MAN1C1: variants seen among roughly 807,000 people sequenced by gnomAD.
MAN1C1 encodes mannosyl-oligosaccharide 1,2-alpha-mannosidase IC.
In MAN1C1, 49 loss-of-function variants were observed where a neutral mutation model predicts 71.5. The ratio of observed to expected loss-of-function variants is 0.69; its 90% CI spans 0.54 to 0.87. The LOEUF (loss-of-function observed/expected upper bound fraction) is 0.87. Among genes scored for constraint, MAN1C1 ranks in the 40% least tolerant of loss-of-function variants. The pLI is 0.00. For missense variants in MAN1C1, 743 were observed against 835.0 expected (o/e 0.89, Z 1.36); for synonymous variants, 352 against 343.7 (o/e 1.02, Z -0.27).
intron 1 of MAN1C1, among the ~76,000 whole-genome samples, chr1:25,678,486 A>G (rs921514151): frequency 6.6e-6 from 1 of 152,216 alleles, no homozygotes; most frequent in African/African-American, 2.4e-5. Flanking sequence ...TTTCCTGTTC[A>G]CCAAGTTTTG....
Position 25,746,692 on chromosome 1 carries a change from T to C in MAN1C1, c.662T>C (p.Ile221Thr). 3 of 1,614,060 alleles carry C rather than the reference T, an allele frequency of 1.9e-6. No individual in the cohort carries two copies. The highest frequency in any genetic ancestry group is 2.2e-5 in the East Asian group (1 of 44,872). ...GGAGGCCTCAGCGGGGCAACAGTCA[T>C]TGACTCCCTCGATACCCTCTACCTC... Reference protein sequence around the residue: ...MFGGLSGATVIDSLDTLYLME... With the variant: ...MFGGLSGATVTDSLDTLYLME... Residue 221 changes from isoleucine to threonine, a missense_variant, in exon 3 of 12, where the codon ATT (isoleucine) becomes ACT (threonine). Ile to Thr is a moderately conservative substitution (Grantham distance 89, BLOSUM62 -1). Coordinates refer to ENST00000374332, the MANE Select transcript of MAN1C1 (RefSeq NM_020379.4). The surrounding 1 kb of genome is among the most constrained non-coding windows in gnomAD (Gnocchi z 4.0).
intron 5 of MAN1C1, 23 bp from the exon 6 acceptor site, chr1:25,758,568 CG>C (rs2047319712): frequency 2.5e-6 from 4 of 1,609,090 alleles, no homozygotes; most frequent in African/African-American, 1.3e-5. Context: ...GGGGGGATGA[CG>C]GGGGCTGCTT....
chr1:25,733,683 T>TGG (rs1423136042), intron 2 of MAN1C1, among the ~76,000 whole-genome samples: 1 of 152,206 alleles, frequency 6.6e-6, no homozygotes, highest in East Asian at 1.9e-4. Flanking sequence ...AAAATACATT[T>TGG]GGGATGAATG....
chr1:25,708,935 G>A (rs2046565190), intron 2 of MAN1C1, among the ~76,000 whole-genome samples: 1 of 152,010 alleles, frequency 6.6e-6, no homozygotes, highest in Non-Finnish European at 1.5e-5. Flanking sequence ...GAAAGTCCCT[G>A]GTAAATTTCA....
Position 25,634,947 on chromosome 1 carries a change from T to A in MAN1C1, c.540+16610T>A, listed in dbSNP as rs2045435131. The stretch of plus-strand genomic sequence containing the variant: ...GATATTGGTCTATAGTTTTTTTTTT[T>A]GTAAATCCTTTGTCTGGTTTTTGGT... On this transcript the variant is annotated intron_variant, in intron 1 of 11. Coordinates refer to ENST00000374332, the MANE Select transcript of MAN1C1 (RefSeq NM_020379.4). The surrounding 1 kb of genome is among the most constrained non-coding windows in gnomAD (Gnocchi z 4.6). Among the ~76,000 whole-genome samples, 1 of 152,158 alleles carries A rather than the reference T, an allele frequency of 6.6e-6. No individual in the cohort carries two copies. Among genetic ancestry groups the A allele is most frequent in the African/African-American group, 2.4e-5 (1 of 41,458 alleles).
rs1369210782 is a variant in MAN1C1, at chr1:25,746,742, G to A, written c.712G>A (p.Glu238Lys). Reference protein sequence around the residue: ...YLMELKEEFQEAKAWVGESFH... With the variant: ...YLMELKEEFQKAKAWVGESFH... Reference sequence around the variant, plus strand: ...CATGGAGCTGAAGGAGGAGTTCCAGGAGGCCAAGGCCTGGGTGGGAGAGAG... The same window carrying A: ...CATGGAGCTGAAGGAGGAGTTCCAGAAGGCCAAGGCCTGGGTGGGAGAGAG... Residue 238 changes from glutamate to lysine, a missense_variant, in exon 3 of 12, where the codon GAG becomes AAG. Physicochemically the swap from Glu to Lys is moderately conservative, Grantham distance 56 (BLOSUM62 1). Transcript: ENST00000374332. This position sits in a 1 kb window ranked among gnomAD's most constrained non-coding sequence, Gnocchi z 4.0. 3.1e-6 allele frequency: 5 copies of A among 1,589,358 alleles called. No homozygotes were observed. Among genetic ancestry groups the A allele is most frequent in the Non-Finnish European group, 4.3e-6 (5 of 1,166,084 alleles).
At position 25,709,119 on chromosome 1, in the gene MAN1C1, G is replaced by A. The variant is rs149419834; in HGVS notation, c.637+22583G>A. 4.6e-5 allele frequency among the ~76,000 whole-genome samples: 7 copies of A among 152,260 alleles called. No homozygotes were observed. In the East Asian group the frequency reaches 1.4e-3, roughly 29 times the overall value. On this transcript the variant is annotated intron_variant, in intron 2 of 11. Coordinates refer to ENST00000374332, the MANE Select transcript of MAN1C1 (RefSeq NM_020379.4). ...GGCACTAAGCCAGGGAGGGTTGAAG[G>A]GGGTGGAAGATCATCAGGGAGAGAG...
At chr1:25,708,049 A>T (rs967608733) in intron 2 of MAN1C1, among the ~76,000 whole-genome samples, 1 of 152,234 alleles carries the variant, frequency 6.6e-6, no homozygotes, top group Non-Finnish European at 1.5e-5. Flanking sequence ...TGGACCTTAC[A>T]CAAGAAAGAA....
In MAN1C1 at chr1:25,768,864, C is replaced by A. The variant is rs372516643; in HGVS notation, c.1142-2793C>A. Among the ~76,000 whole-genome samples, 107 of 148,136 alleles carry A rather than the reference C, an allele frequency of 7.2e-4. 1 individual carries two copies. The highest frequency in any genetic ancestry group is 2.4e-3 in the African/African-American group (97 of 40,088). On this transcript the variant is annotated intron_variant, in intron 7 of 11. Transcript: ENST00000374332. ...ACACACATTACATACACTCTCCCTA[C>A]ACACACTCCCCTCACACACACCACA...
intron 2 of MAN1C1, among the ~76,000 whole-genome samples, chr1:25,707,567 C>A (rs1034433923): frequency 2.2e-4 from 33 of 152,166 alleles, no homozygotes; most frequent in African/African-American, 7.0e-4. Context: ...TTTGCTGTAA[C>A]CTTGAACAAC....
intron 1 of MAN1C1, among the ~76,000 whole-genome samples, chr1:25,628,238 A>G (rs1236643645): frequency 6.6e-6 from 1 of 151,930 alleles, no homozygotes; most frequent in Non-Finnish European, 1.5e-5. Context: ...AACTATCTCT[A>G]TTTTACTTTT....
intron 7 of MAN1C1, among the ~76,000 whole-genome samples, chr1:25,768,664 A>C (rs2047496205): frequency 9.8e-6 from 1 of 101,774 alleles, no homozygotes; most frequent in African/African-American, 3.8e-5. Flanking sequence ...ACACAGACCC[A>C]CACACCCCTC....
At position 25,618,353 on chromosome 1, in the gene MAN1C1, C is replaced by T. The variant is rs1182070414; in HGVS notation, c.540+16C>T. The T allele has an allele frequency of 3.8e-6, 6 of 1,585,268 alleles. No homozygotes were observed. The highest frequency in any genetic ancestry group is 1.4e-5 in the African/African-American group (1 of 73,590). ...AATCAAGGAGGTATGGACTCAGCCC[C>T]CAAACTCCTCCCACCAACTGCCCCC... On this transcript the variant is annotated intron_variant, in intron 1 of 11. Coordinates refer to ENST00000374332, the MANE Select transcript of MAN1C1 (RefSeq NM_020379.4).
intron 2 of MAN1C1, among the ~76,000 whole-genome samples, chr1:25,733,282 G>A (rs1367897716): frequency 6.6e-6 from 1 of 152,116 alleles, no homozygotes; most frequent in African/African-American, 2.4e-5. Context: ...GTTGGGCCCA[G>A]CCACTCATCA....
intron 1 of MAN1C1, among the ~76,000 whole-genome samples, chr1:25,635,383 TA>T (rs2045441841): frequency 6.6e-6 from 1 of 152,038 alleles, no homozygotes; most frequent in Non-Finnish European, 1.5e-5. Flanking sequence ...ATCTAAGTTG[TA>T]AAATTTATTG....
At chr1:25,659,148 G>A (rs2045811450) in intron 1 of MAN1C1, 2 of 152,284 alleles carry the variant, frequency 1.3e-5, no homozygotes, top group Admixed American at 6.5e-5. Context: ...TGTGACTCGG[G>A]TTGGGGATTG....
chr1:25,749,408 C>T, intron 4 of MAN1C1, 73 bp downstream of exon 4: 1 of 1,289,454 alleles, frequency 7.8e-7, no homozygotes, highest in Non-Finnish European at 1.1e-6. Context: ...GTCCTTCCCC[C>T]TCATGCCATC....
chr1:25,763,486 C>CAAAAA (rs60144894), intron 6 of MAN1C1, among the ~76,000 whole-genome samples: 2 of 87,606 alleles, frequency 2.3e-5, no homozygotes, highest in African/African-American at 8.1e-5. Context: ...GAGACTGTCT[C>CAAAAA]AAAAAAAAAA....
At chr1:25,739,296 T>C (rs973162622) in intron 2 of MAN1C1, among the ~76,000 whole-genome samples, 1 of 152,204 alleles carries the variant, frequency 6.6e-6, no homozygotes, top group African/African-American at 2.4e-5. Flanking sequence ...CCACAGCAGC[T>C]GCCTTTGAAA....
Sources: allele counts gnomAD v4.1 joint callset (sites outside exome capture counted in the v4.1 genomes callset), GRCh38; gene constraint gnomAD v4.1.1; non-coding constraint Gnocchi (gnomAD v3.1); transcripts MANE v1.5; gene names NCBI Gene and HGNC (gene_info 2026-07-23, HGNC 2026-07-21).